Variants in PRPS1 observed in about 807,000 individuals in gnomAD.
PRPS1 encodes phosphoribosyl pyrophosphate synthetase 1, also known as ribose-phosphate pyrophosphokinase 1.
In PRPS1, 1 loss-of-function variant was observed where a neutral mutation model predicts 16.9. The observed-to-expected ratio is 0.06, with a 90% CI of 0.02 to 0.28. The LOEUF (loss-of-function observed/expected upper bound fraction) is 0.28. Ranked by LOEUF, PRPS1 falls within the 10% of genes least tolerant of loss-of-function variation. PRPS1 has a pLI of 1.00. For missense variants in PRPS1, 47 were observed against 254.0 expected (o/e 0.19, Z 5.54); for synonymous variants, 70 against 90.2 (o/e 0.78, Z 1.27).
chrX:107,635,900 A>C (rs1831648224), intron 1 of PRPS1, among the ~76,000 whole-genome samples: 3 of 107,887 alleles, frequency 2.8e-5, no homozygotes, highest in Admixed American at 2.0e-4. Context: ...CTCTACTAAA[A>C]ATACAAAAAA....
intron 1 of PRPS1, among the ~76,000 whole-genome samples, chrX:107,630,648 C>A (rs1384188430): frequency 9.1e-6 from 1 of 110,177 alleles, no homozygotes; most frequent in African/African-American, 3.3e-5. Context: ...TATAACTGCT[C>A]CCCCAGGTGA....
intron 4 of PRPS1, among the ~76,000 whole-genome samples, chrX:107,642,809 G>A (rs928269338): frequency 3.6e-5 from 4 of 112,026 alleles, no homozygotes; most frequent in African/African-American, 1.3e-4. Context: ...GTTTTCTAAT[G>A]AATAGCAGCT....
At chrX:107,645,905 G>T (rs1412781195) in intron 5 of PRPS1, among the ~76,000 whole-genome samples, 1 of 110,032 alleles carries the variant, frequency 9.1e-6, no homozygotes, top group African/African-American at 3.3e-5. Context: ...TCTCTTGCCT[G>T]CAGTGTTCTA....
chrX:107,644,201 G>C (rs1925638534), intron 4 of PRPS1, among the ~76,000 whole-genome samples: 1 of 112,353 alleles, frequency 8.9e-6, no homozygotes, highest in Admixed American at 9.4e-5. Flanking sequence ...AGAAAAATAA[G>C]AATTCTCTTT....
At chrX:107,638,738 T>C (rs768354851) in intron 1 of PRPS1, among the ~76,000 whole-genome samples, 3 of 109,926 alleles carry the variant, frequency 2.7e-5, no homozygotes, top group Non-Finnish European at 3.8e-5. Context: ...TTATTTTATT[T>C]TATTTTATTT....
chrX:107,642,895 T>A (rs1925608632), intron 4 of PRPS1, among the ~76,000 whole-genome samples: 1 of 112,158 alleles, frequency 8.9e-6, no homozygotes, highest in Non-Finnish European at 1.9e-5. Context: ...ATCATTTTGA[T>A]CCTTGGGATT....
intron 1 of PRPS1, among the ~76,000 whole-genome samples, chrX:107,629,266 A>G (rs1925257513): frequency 8.9e-6 from 1 of 111,942 alleles, no homozygotes; most frequent in African/African-American, 3.2e-5. Flanking sequence ...GGAAACTGAC[A>G]TTATATACTG....
At chrX:107,638,132 C>T (rs758052169) in intron 1 of PRPS1, among the ~76,000 whole-genome samples, 6 of 108,348 alleles carry the variant, frequency 5.5e-5, no homozygotes, top group East Asian at 5.8e-4. Context: ...TTATTTGAGA[C>T]GGAGTCTCAC....
chrX:107,633,701 C>T (rs941469284), intron 1 of PRPS1, among the ~76,000 whole-genome samples: 6 of 111,070 alleles, frequency 5.4e-5, no homozygotes, highest in South Asian at 3.8e-4. Flanking sequence ...CCAAGGCAGG[C>T]GGATCACCTG....
rs886824310 is a variant in PRPS1 at position 107,648,917 on chromosome X, G to A, written c.865-1023G>A. 8.2e-5 allele frequency among the ~76,000 whole-genome samples: 9 copies of A among 109,250 alleles called. No individual in the cohort carries two copies. The East Asian group carries it at 1.2e-3, about 14-fold the overall frequency. The allele number at this position is 109,250 out of a possible 115,157, so 94.9% of individuals were successfully genotyped here. ...TGGGATTACAGGCATGTGCCACCACGCCTGACTAATTTTTTATTTTTAGTA... is the reference window on the plus strand; with the variant it reads ...TGGGATTACAGGCATGTGCCACCACACCTGACTAATTTTTTATTTTTAGTA... On this transcript the variant is annotated intron_variant, in intron 6 of 6. Coordinates refer to ENST00000372435, the MANE Select transcript of PRPS1 (RefSeq NM_002764.4).
chrX:107,642,249 C>A, intron 3 of PRPS1, 117 bp from the exon 4 acceptor site: 1 of 1,036,032 alleles, frequency 9.7e-7, no homozygotes, highest in South Asian at 1.9e-5. Context: ...GCCTGCCTTC[C>A]CATCAGTTTG....
chrX:107,632,539 A>T (rs887073361), intron 1 of PRPS1, among the ~76,000 whole-genome samples: 3 of 112,060 alleles, frequency 2.7e-5, no homozygotes, highest in African/African-American at 9.7e-5. Context: ...TAGTTTTTTC[A>T]CTCATTGGAT....
chrX:107,648,131 T>C (rs1925744861), intron 6 of PRPS1, among the ~76,000 whole-genome samples: 1 of 111,904 alleles, frequency 8.9e-6, no homozygotes, highest in Non-Finnish European at 1.9e-5. Context: ...TATCGGCCCC[T>C]GTAGATATAA....
In PRPS1 at chrX:107,645,267, T is replaced by G; in HGVS notation, c.621T>G (p.Leu207=). The change falls in exon 5 of 7, where the codon CTT becomes CTG. Residue 207 remains leucine (L), a synonymous_variant. Coordinates refer to ENST00000372435, the MANE Select transcript of PRPS1 (RefSeq NM_002764.4). ...CCAATGAAGTGGACCGCATGGTGCT[T>G]GTGGGAGATGTGAAGGATCGGGTGG... The part of the protein sequence containing the change: ...KKANEVDRMV[L]VGDVKDRVAI... 1.7e-6 allele frequency: 2 copies of G among 1,211,827 alleles called. No homozygotes were observed. Among genetic ancestry groups the G allele is most frequent in the Non-Finnish European group, 2.2e-6 (2 of 895,551 alleles).
At chrX:107,629,222 G>C (rs1306001417) in intron 1 of PRPS1, among the ~76,000 whole-genome samples, 1 of 111,490 alleles carries the variant, frequency 9.0e-6, no homozygotes, top group Non-Finnish European at 1.9e-5. Context: ...TTTTTGATTC[G>C]AAATGGTGTT....
rs756026687 is a variant in PRPS1 at position 107,650,152 on chromosome X, C to T, written c.*120C>T. 6 of 1,152,484 alleles carry T rather than the reference C, an allele frequency of 5.2e-6. No individual in the cohort carries two copies. In the Admixed American group the frequency reaches 1.2e-4, roughly 23 times the overall value. The allele number at this position is 1,152,484 out of a possible 1,213,427, so 95.0% of individuals were successfully genotyped here. ...CTCCAGTGTAGCTTTCTACATCCCA[C>T]ATCAGGTATATTAGAGCTTATCCGA... On this transcript the variant is annotated 3_prime_UTR_variant, in exon 7 of 7. Transcript: ENST00000372435.
At chrX:107,645,373 G>A in intron 5 of PRPS1, 23 bp downstream of exon 5, 2 of 1,210,856 alleles carry the variant, frequency 1.7e-6, no homozygotes, top group Non-Finnish European at 1.1e-6. Flanking sequence ...TGATGGGGCT[G>A]GTAGTTAGAA....
At chrX:107,639,053 C>A (rs1049618158) in intron 1 of PRPS1, among the ~76,000 whole-genome samples, 3 of 112,372 alleles carry the variant, frequency 2.7e-5, no homozygotes, top group African/African-American at 9.7e-5. Context: ...TACTTTAAAT[C>A]ATCTCTAGAT....
In PRPS1 at chrX:107,650,183, G is replaced by A; in HGVS notation, c.*151G>A. On this transcript the variant is annotated 3_prime_UTR_variant, in exon 7 of 7. Transcript: ENST00000372435. ...GTATATTAGAGCTTATCCGAACTGG[G>A]GAAAGACGGATTGAGATTAACTGCT... 1 of 1,030,638 alleles carries A rather than the reference G, an allele frequency of 9.7e-7. No homozygotes were observed. The highest frequency in any genetic ancestry group is 2.2e-5 in the South Asian group (1 of 46,009). 84.9% of individuals were successfully genotyped at this position (1,030,638 alleles called of 1,213,427 possible).
Sources: allele counts gnomAD v4.1 joint callset (sites outside exome capture counted in the v4.1 genomes callset), GRCh38; gene constraint gnomAD v4.1.1; transcripts MANE v1.5; gene names NCBI Gene and HGNC (gene_info 2026-07-23, HGNC 2026-07-21).